PLEC: variants seen among roughly 807,000 people sequenced by gnomAD.
The protein encoded by PLEC is hemidesmosomal protein 1.
A neutral mutation model predicts 392.8 loss-of-function variants in PLEC; 216 were observed. The observed-to-expected ratio is 0.55, with a 90% CI of 0.49 to 0.62. PLEC has a LOEUF of 0.62. Among genes scored for constraint, PLEC ranks in the 20% least tolerant of loss-of-function variants. The pLI is 0.00. For synonymous variants in PLEC, 3,621 were observed against 2,980.6 expected (o/e 1.21, Z -7.00); for missense variants, 6,863 against 6,563.4 (o/e 1.05, Z -1.58).
chr8:143,934,209 A>G (rs1195335355), intron 11 of PLEC, 109 bp downstream of exon 11: 1 of 1,592,170 alleles, frequency 6.3e-7, no homozygotes, highest in African/African-American at 1.3e-5. Flanking sequence ...TCCTAAGGCG[A>G]GTGGGAGCTT....
chr8:143,925,135 C>T lies in PLEC; in HGVS notation c.4794G>A (p.Glu1598=). 6.4e-7 allele frequency: 1 copy of T among 1,559,188 alleles called. No individual in the cohort carries two copies. Among genetic ancestry groups the T allele is most frequent in the Non-Finnish European group, 8.6e-7 (1 of 1,160,444 alleles). ...GCAGCTGTGCCACAGCCACGTGTTC[C>T]TCCTGCAGGGAGCGCTCCAGCTGTG... ...KTAQLERSLQ[E]EHVAVAQLRE... Residue 1598 remains glutamate, a synonymous_variant, in exon 31 of 32, where the codon GAG becomes GAA. Coordinates refer to ENST00000345136, the MANE Select transcript of PLEC (RefSeq NM_201384.3).
chr8:143,926,212 C>T (rs1190725571), intron 30 of PLEC, among the ~76,000 whole-genome samples: 2 of 152,232 alleles, frequency 1.3e-5, no homozygotes, highest in African/African-American at 4.8e-5. Flanking sequence ...AGCACACAGC[C>T]CTGCCTGAGC....
upstream of PLEC, among the ~76,000 whole-genome samples, chr8:143,958,296 A>G (rs1554739807): frequency 6.6e-6 from 1 of 152,112 alleles, no homozygotes; most frequent in Non-Finnish European, 1.5e-5. The surrounding 1 kb of genome is among the most constrained non-coding windows in gnomAD (Gnocchi z 4.9). Context: ...CTGGATGCCC[A>G]CCAGGGCTGC....
At position 143,924,321 on chromosome 8, in the gene PLEC, C is replaced by A; in HGVS notation, c.5608G>T (p.Ala1870Ser). The change falls in exon 31 of 32, where the codon GCG (alanine) becomes TCG (serine). Residue 1870 changes from alanine (A) to serine (S), a missense_variant. Physicochemically the swap from Ala to Ser is moderately conservative, Grantham distance 99. Transcript: ENST00000345136. ...EAENERLRRL[A>S]EDEAFQRRRL... Reference sequence around the variant, plus strand: ...CGCCGCTGGAAGGCCTCGTCCTCCGCCAGCCGCCGCAGGCGCTCGTTCTCC... The same window carrying A: ...CGCCGCTGGAAGGCCTCGTCCTCCGACAGCCGCCGCAGGCGCTCGTTCTCC... 1 of 1,595,620 alleles carries A rather than the reference C, an allele frequency of 6.3e-7. No individual in the cohort carries two copies. Among genetic ancestry groups the A allele is most frequent in the South Asian group, 1.1e-5 (1 of 90,770 alleles).
chr8:143,934,644 T>C lies in PLEC; in HGVS notation c.1032A>G (p.Gln344=), dbSNP rs782813645. 2 of 1,612,976 alleles carry C rather than the reference T, an allele frequency of 1.2e-6. No homozygotes were observed. Among genetic ancestry groups the C allele is most frequent in the Non-Finnish European group, 1.7e-6 (2 of 1,179,760 alleles). Residue 344 remains glutamine, a synonymous_variant, in exon 10 of 32, where the codon CAA becomes CAG. Transcript: ENST00000345136. Reference sequence around the variant, plus strand: ...CAGCGGTCCCACTCACCTCCAGGGATTGGTAGATGCCCTTGGACCTGTTCT... The same window carrying C: ...CAGCGGTCCCACTCACCTCCAGGGACTGGTAGATGCCCTTGGACCTGTTCT... ...ADKNRSKGIY[Q]SLEGAVQAGQ... is the part of the protein sequence containing the mutation.
At chr8:143,957,565 G>A (rs1170947835), upstream of PLEC, among the ~76,000 whole-genome samples, 10 of 152,150 alleles carry the variant, frequency 6.6e-5, no homozygotes, top group African/African-American at 2.2e-4. Flanking sequence ...AACCAAGGTT[G>A]AGCCCAGGCA....
intron 1 of PLEC, among the ~76,000 whole-genome samples, chr8:143,949,283 C>T (rs1316320015): frequency 6.6e-6 from 1 of 152,248 alleles, no homozygotes; most frequent in Non-Finnish European, 1.5e-5. Flanking sequence ...CTCCCAGGTG[C>T]CAGCCCCAAA....
At chr8:143,971,178 G>C (rs1554744214) in intron 1 of PLEC, among the ~76,000 whole-genome samples, 1 of 152,200 alleles carries the variant, frequency 6.6e-6, no homozygotes, top group African/African-American at 2.4e-5. Flanking sequence ...ACCGGAGTGA[G>C]GGTCAGACAG....
chr8:143,948,408 G>C (rs1554733357), intron 1 of PLEC, among the ~76,000 whole-genome samples: 1 of 152,174 alleles, frequency 6.6e-6, no homozygotes, highest in African/African-American at 2.4e-5. Flanking sequence ...GAACTGCCCC[G>C]GGCTGTATGC....
chr8:143,943,770 G>A (rs782022301), upstream of PLEC: 24 of 1,610,214 alleles, frequency 1.5e-5, no homozygotes, highest in East Asian at 2.2e-5. Flanking sequence ...AGCCACCAGC[G>A]GGGCTTACCT....
chr8:143,918,233 C>T lies in PLEC; in HGVS notation c.11588G>A (p.Arg3863Gln), dbSNP rs781893455. ...GCCGGTGCCGTCGTCACGACGGCACCGCCTGAGCAGCTGCGTGTAGCTGAG... is the reference window on the plus strand; with the variant it reads ...GCCGGTGCCGTCGTCACGACGGCACTGCCTGAGCAGCTGCGTGTAGCTGAG... ...ERLSYTQLLR[R>Q]CRRDDGTGQL... is the part of the protein sequence containing the mutation. Residue 3863 changes from arginine (R) to glutamine (Q), a missense_variant, in exon 32 of 32, where the codon CGG (arginine) becomes CAG (glutamine). Transcript: ENST00000345136. 79 of 1,585,200 alleles carry T rather than the reference C, an allele frequency of 5.0e-5. No homozygotes were observed. The highest frequency in any genetic ancestry group is 1.2e-4 in the African/African-American group (9 of 74,428).
Position 143,935,757 on chromosome 8 carries a change from TCCTC to T in PLEC, c.602+87_602+90del, listed in dbSNP as rs1228936319. On this transcript the variant is annotated intron_variant, in intron 6 of 31. Coordinates refer to ENST00000345136, the MANE Select transcript of PLEC (RefSeq NM_201384.3). Reference sequence around the variant, plus strand: ...GCACTCATCCCTGTTCCTCCTGCCCTCCTCCCTGCCCCAACGTGTCTGAAGTTGC... The same window carrying T: ...GCACTCATCCCTGTTCCTCCTGCCCTCCTGCCCCAACGTGTCTGAAGTTGC... 4.9e-6 allele frequency: 7 copies of T among 1,419,950 alleles called. No homozygotes were observed. In the African/African-American group the frequency reaches 9.8e-5, roughly 20 times the overall value. The allele number at this position is 1,419,950 out of a possible 1,614,324, so 88.0% of individuals were successfully genotyped here. A position where few individuals can be genotyped will look rare whatever the true frequency, so the allele number is the denominator to read the frequency against.
In PLEC at chr8:143,921,086, G is replaced by A. The variant is rs935096656; in HGVS notation, c.8735C>T (p.Ala2912Val). 4.1e-5 allele frequency: 66 copies of A among 1,611,700 alleles called. No homozygotes were observed. The highest frequency in any genetic ancestry group is 6.7e-5 in the African/African-American group (5 of 74,948). Residue 2912 changes from alanine (A) to valine (V), a missense_variant, in exon 32 of 32, where the codon GCG (alanine) becomes GTG (valine). Physicochemically the swap from Ala to Val is moderately conservative, Grantham distance 64. Transcript: ENST00000345136. ...CTTGCCCTGGAACTTGCCGAACGGC[G>A]CAGACACGGTGGCCTTCTCAAAGAC... ...RDVFEKATVS[A>V]PFGKFQGKTV...
chr8:143,948,942 C>T (rs1158888710), intron 1 of PLEC, among the ~76,000 whole-genome samples: 2 of 152,236 alleles, frequency 1.3e-5, no homozygotes, highest in African/African-American at 4.8e-5. Context: ...CAGTCTTTGT[C>T]TCATGCCTCC....
chr8:143,920,596 C>A lies in PLEC; in HGVS notation c.9225G>T (p.Arg3075=). The stretch of plus-strand genomic sequence containing the variant: ...CACGCACTGCCTCGTCCACGGTCAG[C>A]CGGGCGCTGGTGGCGGGGTCGATGA... ...GHIIDPATSA[R]LTVDEAVRAG... The change falls in exon 32 of 32, where the codon CGG becomes CGT. Residue 3075 remains arginine (R), a synonymous_variant. Transcript: ENST00000345136. 1.2e-6 allele frequency: 2 copies of A among 1,609,876 alleles called. No homozygotes were observed. Among genetic ancestry groups the A allele is most frequent in the Non-Finnish European group, 1.7e-6 (2 of 1,179,874 alleles).
chr8:143,925,375 G>T lies in PLEC; in HGVS notation c.4554C>A (p.Ala1518=), dbSNP rs782709764. 37 of 1,569,044 alleles carry T rather than the reference G, an allele frequency of 2.4e-5. No individual in the cohort carries two copies. The highest frequency in any genetic ancestry group is 3.5e-5 in the Admixed American group (2 of 56,368). Residue 1518 remains alanine (A), a synonymous_variant, in exon 31 of 32, where the codon GCC becomes GCA. Transcript: ENST00000345136. The part of the protein sequence containing the change: ...QRKRQAEVEL[A]SRVKAEAEAA... ...CCTCGGCCTCGGCCTTCACGCGCGA[G>T]GCCAGCTCCACCTCCGCCTGCCGCT...
At position 143,935,986 on chromosome 8, in the gene PLEC, G is replaced by C. The variant is rs377048540; in HGVS notation, c.464C>G (p.Ser155Trp). The C allele has an allele frequency of 6.2e-7, 1 of 1,612,542 alleles. No homozygotes were observed. ...CTTCTCCTTGGCCGTCATGTCCTCC[G>C]ACTGCCCACTCACCTGGATATCTGA... The part of the protein sequence containing the change: ...QISDIQVSGQ[S>W]EDMTAKEKLL... Residue 155 changes from serine (S) to tryptophan (W), a missense_variant, in exon 6 of 32, where the codon TCG (serine) becomes TGG (tryptophan). Coordinates refer to ENST00000345136, the MANE Select transcript of PLEC (RefSeq NM_201384.3).
chr8:143,937,333 A>T (rs1564165644), intron 3 of PLEC, 91 bp from the exon 4 acceptor site: 2 of 956,306 alleles, frequency 2.1e-6, no homozygotes, highest in East Asian at 4.9e-5. Flanking sequence ...CAACCGAGCC[A>T]AGGGTCTTCC....
At chr8:143,958,591 T>C, upstream of PLEC, 1 of 422,012 alleles carries the variant, frequency 2.4e-6, no homozygotes, top group African/African-American at 2.0e-5. This position sits in a 1 kb window ranked among gnomAD's most constrained non-coding sequence, Gnocchi z 4.9. Context: ...TCGTTGCCCC[T>C]CACCTCCAAG....
Sources: allele counts gnomAD v4.1 joint callset (sites outside exome capture counted in the v4.1 genomes callset), GRCh38; gene constraint gnomAD v4.1.1; non-coding constraint Gnocchi (gnomAD v3.1); transcripts MANE v1.5; gene names NCBI Gene and HGNC (gene_info 2026-07-23, HGNC 2026-07-21).